Variants in EXD3 observed in about 807,000 individuals in gnomAD.
The protein encoded by EXD3 is exonuclease 3'-5' domain containing 3, also known as exonuclease mut-7 homolog.
In EXD3, 92 loss-of-function variants were observed where a neutral mutation model predicts 98.0. The observed-to-expected ratio is 0.94, with a 90% CI of 0.79 to 1.12. EXD3 has a LOEUF of 1.12. Ranked by LOEUF, EXD3 falls within the 50% of genes most tolerant of loss-of-function variation. The pLI is 0.00. For synonymous variants in EXD3, 569 were observed against 526.0 expected, an observed-to-expected ratio of 1.08 and a Z score of -1.12; for missense variants, 1,222 against 1,191.6, an observed-to-expected ratio of 1.03 and a Z score of -0.38.
At chr9:137,420,744 C>A (rs576471057) in intron 1 of EXD3, among the ~76,000 whole-genome samples, 10 of 147,678 alleles carry the variant, frequency 6.8e-5, no homozygotes, top group East Asian at 4.0e-4. Flanking sequence ...TTCACCCCCC[C>A]CCCCAAATTC....
chr9:137,355,385 G>C (rs934715134), intron 8 of EXD3, among the ~76,000 whole-genome samples: 2 of 149,582 alleles, frequency 1.3e-5, no homozygotes, highest in African/African-American at 4.9e-5. Flanking sequence ...GCAGCCACGG[G>C]GAGCCGGGCG....
At chr9:137,408,155 C>T (rs1384829372) in intron 1 of EXD3, among the ~76,000 whole-genome samples, 5 of 152,120 alleles carry the variant, frequency 3.3e-5, no homozygotes, top group Non-Finnish European at 4.4e-5. Flanking sequence ...TTACTAAAAC[C>T]CAACAGTGAC....
chr9:137,309,601 A>C lies in EXD3; in HGVS notation c.2278+6T>G, dbSNP rs1244198039. 1.3e-6 allele frequency: 2 copies of C among 1,554,846 alleles called. No homozygotes were observed. The highest frequency in any genetic ancestry group is 1.7e-6 in the Non-Finnish European group (2 of 1,149,426). ...CAGACCCAGTGCCTGACCCTGACAC[A>C]CTCACCTGAGCTCCTGGGCCCCTCC... On this transcript the variant is annotated splice_donor_region_variant and intron_variant, in intron 20 of 21. Coordinates refer to ENST00000340951, the MANE Select transcript of EXD3 (RefSeq NM_017820.5).
chr9:137,368,355 C>T (rs1027640060), intron 5 of EXD3, among the ~76,000 whole-genome samples: 1 of 152,200 alleles, frequency 6.6e-6, no homozygotes, highest in African/African-American at 2.4e-5. Flanking sequence ...AAAGCCGTGA[C>T]CTCCCACACG....
At chr9:137,321,852 G>A (rs1236885950) in intron 19 of EXD3, among the ~76,000 whole-genome samples, 3 of 152,126 alleles carry the variant, frequency 2.0e-5, no homozygotes, top group Non-Finnish European at 2.9e-5. Flanking sequence ...CCTTGCTCCC[G>A]TGTCGCCCAC....
rs1488278026 is a variant in EXD3 at position 137,307,644 on chromosome 9, C to T, written c.2281G>A (p.Asp761Asn). ...SHQEGPRSSG[D>N]EATQSQAVQE... is the part of the protein sequence containing the mutation. The stretch of plus-strand genomic sequence containing the variant: ...ACCGCCTGGCTCTGGGTGGCCTCGT[C>T]ACCTGTCAGTCAAGGAAGAGAGCTG... Residue 761 changes from aspartate (D) to asparagine (N), a missense_variant and splice_region_variant, in exon 21 of 22, where the codon GAC (aspartate) becomes AAC (asparagine). By Grantham distance (23) the Asp-to-Asn change is conservative. Coordinates refer to ENST00000340951, the MANE Select transcript of EXD3 (RefSeq NM_017820.5). 3 of 1,609,722 alleles carry T rather than the reference C, an allele frequency of 1.9e-6. No individual in the cohort carries two copies. The highest frequency in any genetic ancestry group is 2.5e-6 in the Non-Finnish European group (3 of 1,179,676).
At chr9:137,379,291 G>A (rs141922919) in intron 3 of EXD3, among the ~76,000 whole-genome samples, 6 of 100,034 alleles carry the variant, frequency 6.0e-5, no homozygotes, top group African/African-American at 8.9e-5. Context: ...TGTGGGTGAC[G>A]GTGACCGTTG....
Position 137,349,493 on chromosome 9 carries a change from C to T in EXD3, c.1533G>A (p.Arg511=), listed in dbSNP as rs754619836. Residue 511 remains arginine (R), a synonymous_variant, in exon 15 of 22, where the codon AGG becomes AGA. Transcript: ENST00000340951. This position sits in a 1 kb window ranked among gnomAD's most constrained non-coding sequence, Gnocchi z 7.4. ...VASVPAPAVD[R]ARELRGLSLL... ...GGCTCAGGCCCCTCAGCTCCCTGGCCCTGTCCACGGCTGGGGCTGGCACGC... is the reference window on the plus strand; with the variant it reads ...GGCTCAGGCCCCTCAGCTCCCTGGCTCTGTCCACGGCTGGGGCTGGCACGC... The T allele has an allele frequency of 6.2e-7, 1 of 1,603,108 alleles. No homozygotes were observed. The highest frequency in any genetic ancestry group is 2.2e-5 in the East Asian group (1 of 44,804).
intron 2 of EXD3, among the ~76,000 whole-genome samples, chr9:137,394,644 G>C (rs1218883600): frequency 6.6e-6 from 1 of 152,210 alleles, no homozygotes; most frequent in African/African-American, 2.4e-5. Flanking sequence ...AGGAGGGAGA[G>C]AGGCTGCACC....
intron 16 of EXD3, 60 bp from the exon 17 acceptor site, chr9:137,348,298 A>G: frequency 6.5e-7 from 1 of 1,540,088 alleles, no homozygotes; most frequent in South Asian, 1.2e-5. Flanking sequence ...ACAGCCTCAG[A>G]GAGCCAGGGC....
intron 17 of EXD3, among the ~76,000 whole-genome samples, chr9:137,344,612 A>G (rs1196271170): frequency 6.6e-6 from 1 of 152,172 alleles, no homozygotes; most frequent in African/African-American, 2.4e-5. Flanking sequence ...TTCAGGTTAC[A>G]CTTTTGGGAA....
At chr9:137,413,986 G>A (rs1278466897) in intron 1 of EXD3, among the ~76,000 whole-genome samples, 1 of 146,718 alleles carries the variant, frequency 6.8e-6, no homozygotes, top group Non-Finnish European at 1.5e-5. Context: ...GTGCCATCTC[G>A]GCTCACTGCA....
intron 17 of EXD3, among the ~76,000 whole-genome samples, chr9:137,339,086 AG>A (rs1833520065): frequency 6.6e-6 from 1 of 152,174 alleles, no homozygotes; most frequent in Non-Finnish European, 1.5e-5. Context: ...GACACATTCC[AG>A]AAAAATTATA....
At chr9:137,418,816 T>TGTCTTTAG (rs1399594356) in intron 1 of EXD3, among the ~76,000 whole-genome samples, 3 of 152,054 alleles carry the variant, frequency 2.0e-5, no homozygotes, top group Non-Finnish European at 4.4e-5. Context: ...TGCCTCACGC[T>TGTCTTTAG]GTCTTTAGTA....
At chr9:137,312,801 A>G (rs1325228741) in intron 19 of EXD3, among the ~76,000 whole-genome samples, 1 of 152,040 alleles carries the variant, frequency 6.6e-6, no homozygotes, top group Admixed American at 6.5e-5. Flanking sequence ...AGTAGGCCCA[A>G]TTCCCACCCC....
At chr9:137,338,109 T>C (rs1833457049) in intron 17 of EXD3, among the ~76,000 whole-genome samples, 1 of 152,150 alleles carries the variant, frequency 6.6e-6, no homozygotes, top group African/African-American at 2.4e-5. Flanking sequence ...CCTTTTACAG[T>C]CCATGTGGAT....
chr9:137,350,273 G>C (rs1834201575), intron 14 of EXD3, among the ~76,000 whole-genome samples: 1 of 97,914 alleles, frequency 1.0e-5, no homozygotes, highest in African/African-American at 4.1e-5. Flanking sequence ...GCTAGATAGA[G>C]AGGGGTGGGG....
At chr9:137,408,257 G>A (rs1837826298) in intron 1 of EXD3, among the ~76,000 whole-genome samples, 1 of 152,094 alleles carries the variant, frequency 6.6e-6, no homozygotes, top group Non-Finnish European at 1.5e-5. Context: ...AGAGGGCTTT[G>A]GGGTGGGGGG....
At chr9:137,312,653 C>T (rs1831426765) in intron 19 of EXD3, among the ~76,000 whole-genome samples, 3 of 151,798 alleles carry the variant, frequency 2.0e-5, no homozygotes, top group Admixed American at 2.0e-4. Flanking sequence ...CCAGAGCTGG[C>T]CATCTGGGGA....
Sources: gnomAD v4.1 joint callset for allele counts (sites outside exome capture counted in the v4.1 genomes callset) on GRCh38, gnomAD v4.1.1 for gene constraint, Gnocchi (gnomAD v3.1) non-coding constraint, MANE v1.5 for transcripts, NCBI Gene and HGNC (gene_info 2026-07-23, HGNC 2026-07-21) for gene names.